TTN: variants seen among roughly 807,000 people sequenced by gnomAD.
The protein encoded by TTN is titin.
Under a neutral mutation model 3,223.0 loss-of-function variants are expected in TTN, and 1,525 were observed. The observed-to-expected ratio is 0.47, with a 90% CI of 0.45 to 0.49. TTN has a LOEUF of 0.49. Ranked by LOEUF, TTN falls within the 20% of genes least tolerant of loss-of-function variation. The pLI is 0.00. For missense variants in TTN, 40,786 were observed against 43,424.0 expected (o/e 0.94, Z 5.40); for synonymous variants, 14,094 against 15,161.0 (o/e 0.93, Z 5.17).
rs1438094160 is a variant in TTN, at chr2:178,799,863, C to T, written c.631G>A (p.Ala211Thr). Residue 211 changes from alanine to threonine, a missense_variant, in exon 5 of 363, where the codon GCT becomes ACT. Transcript: ENST00000589042. ...GTTTGTCTTGATTCTGAGATCTGAG[C>T]AGTCGAAACAATTGTCTTTGTCTTT... ...AKKTKTIVST[A>T]QISESRQTRI... The T allele has an allele frequency of 6.2e-7, 1 of 1,614,000 alleles. No homozygotes were observed. Among genetic ancestry groups the T allele is most frequent in the African/African-American group, 1.3e-5 (1 of 74,914 alleles).
chr2:178,603,072 C>T (rs1374827895), intron 282 of TTN, among the ~76,000 whole-genome samples: 1 of 151,968 alleles, frequency 6.6e-6, no homozygotes, highest in Non-Finnish European at 1.5e-5. Flanking sequence ...AATCCTTTAC[C>T]TTTCTGAAAG....
At chr2:178,807,118 T>G (rs2094349352) in intron 1 of TTN, 94 bp downstream of exon 1, 1 of 152,122 alleles carries the variant, frequency 6.6e-6, no homozygotes, top group Admixed American at 6.5e-5. Context: ...ATACAAACAC[T>G]TGTACATAGG....
rs561229465 is a variant in TTN, at chr2:178,749,224, C to T, written c.11311+3900G>A. Reference sequence around the variant, plus strand: ...TTCCAAAATTATTTCTTATTTCTTTCTTAATAGTGACATCACTGAAATCAT... The same window carrying T: ...TTCCAAAATTATTTCTTATTTCTTTTTTAATAGTGACATCACTGAAATCAT... On this transcript the variant is annotated intron_variant, in intron 47 of 362. Transcript: ENST00000589042. 10 of 1,611,440 alleles carry T rather than the reference C, an allele frequency of 6.2e-6. No homozygotes were observed. The South Asian group carries it at 1.1e-4, about 18-fold the overall frequency.
Position 178,621,330 on chromosome 2 carries a change from C to T in TTN, c.45388G>A (p.Glu15130Lys), listed in dbSNP as rs772087689. The change falls in exon 246 of 363, where the codon GAA becomes AAA. Residue 15130 changes from glutamate to lysine, a missense_variant. Glu to Lys is a moderately conservative substitution (Grantham distance 56). Transcript: ENST00000589042. Reference sequence around the variant, plus strand: ...TCAGCCTTTTCTCCTTCAAGTATTTCAAGGTTTTGAGGCTTTGAGATAAAT... The same window carrying T: ...TCAGCCTTTTCTCCTTCAAGTATTTTAAGGTTTTGAGGCTTTGAGATAAAT... The part of the protein sequence containing the change: ...AEFISKPQNL[E>K]ILEGEKAEFV... 13 of 1,611,682 alleles carry T rather than the reference C, an allele frequency of 8.1e-6. No homozygotes were observed. The highest frequency in any genetic ancestry group is 3.4e-6 in the Non-Finnish European group (4 of 1,178,984).
At chr2:178,617,301 CT>C in intron 254 of TTN, 23 bp downstream of exon 254, 1 of 1,545,590 alleles carries the variant, frequency 6.5e-7, no homozygotes, top group Non-Finnish European at 8.7e-7. Flanking sequence ...ATTGAATATT[CT>C]TTTTTATATG....
chr2:178,625,437 A>G, intron 240 of TTN, 41 bp from the exon 241 acceptor site: 1 of 1,497,324 alleles, frequency 6.7e-7, no homozygotes, highest in Non-Finnish European at 8.8e-7. Context: ...ACAGCAATCT[A>G]GTATATGGGT....
chr2:178,621,086 G>C lies in TTN; in HGVS notation c.45616+16C>G, dbSNP rs556605702. 6.2e-7 allele frequency: 1 copy of C among 1,609,742 alleles called. No individual in the cohort carries two copies. Among genetic ancestry groups the C allele is most frequent in the Non-Finnish European group, 8.5e-7 (1 of 1,178,620 alleles). On this transcript the variant is annotated intron_variant, in intron 246 of 362. Transcript: ENST00000589042. ...AACAAACAAACAAAAAACCCTAAAA[G>C]CAAGAACAAACTTACCAATGACTGT...
At chr2:178,593,150 G>A (rs757279013) in intron 299 of TTN, 23 bp downstream of exon 299, 27 of 1,610,780 alleles carry the variant, frequency 1.7e-5, no homozygotes, top group Non-Finnish European at 2.3e-5. Flanking sequence ...CATGAAAACT[G>A]AATAAATCCA....
At chr2:178,603,303 A>T (rs1216550388) in intron 282 of TTN, among the ~76,000 whole-genome samples, 1 of 151,980 alleles carries the variant, frequency 6.6e-6, no homozygotes, top group Admixed American at 6.6e-5. Flanking sequence ...TTCTATAGAG[A>T]ATCTAATCAG....
chr2:178,565,685 A>G lies in TTN; in HGVS notation c.80447T>C (p.Val26816Ala), dbSNP rs1177780119. 7 of 1,613,574 alleles carry G rather than the reference A, an allele frequency of 4.3e-6. No homozygotes were observed. Among genetic ancestry groups the G allele is most frequent in the Non-Finnish European group, 2.5e-6 (3 of 1,179,628 alleles). Residue 26816 changes from valine to alanine, a missense_variant, in exon 326 of 363, where the codon GTT (valine) becomes GCT (alanine). By Grantham distance (64) the Val-to-Ala change is moderately conservative. Transcript: ENST00000589042. ...AGTTCCTTTGGGCTGCATTTCAACA[A>G]CGTACCCCAGGACTCTGCTACCGCC... The part of the protein sequence containing the change: ...HDGGSRVLGY[V>A]VEMQPKGTEK...
In TTN at chr2:178,776,381, AG is replaced by A; in HGVS notation, c.5482del (p.Thr1829GlnfsTer3). 1 of 1,613,098 alleles carries A rather than the reference AG, an allele frequency of 6.2e-7. No individual in the cohort carries two copies. The highest frequency in any genetic ancestry group is 8.5e-7 in the Non-Finnish European group (1 of 1,179,968). On this transcript the variant is annotated frameshift_variant, in exon 28 of 363. Coordinates refer to ENST00000589042, the MANE Select transcript of TTN (RefSeq NM_001267550.2). LOFTEE classifies it high-confidence loss of function. ...TTTCTGATCTGTTGTTACACCTGTA[AG>A]TGCACCTTCATGAGCCATTCTCTCT... ...ELERMAHEGA[L>X]TGVTTDQKEK...
rs771773845 is a variant in TTN, at chr2:178,549,172, G to A, written c.92454C>T (p.Pro30818=). 2.0e-5 allele frequency: 32 copies of A among 1,613,602 alleles called. No individual in the cohort carries two copies. Among genetic ancestry groups the A allele is most frequent in the Non-Finnish European group, 2.6e-5 (31 of 1,179,802 alleles). The change falls in exon 339 of 363, where the codon CCC becomes CCT. Residue 30818 remains proline (P), a synonymous_variant. Transcript: ENST00000589042. ...CTGTGGGAGGACCTGGTGGGTTGAC[G>A]GGCTCTCTACATTTAATGAGTCTTG... ...GISRLIKCRE[P]VNPPGPPTVV... is the part of the protein sequence containing the mutation.
chr2:178,559,662 T>A lies in TTN; in HGVS notation c.86470A>T (p.Thr28824Ser). ...CTCAAAACATTCTGAATTGTTAATG[T>A]GTACTTTCCAGAGTCATTTCTGTTG... The part of the protein sequence containing the change: ...NANRNDSGKY[T>S]LTIQNVLSAA... The change falls in exon 326 of 363, where the codon ACA becomes TCA. Residue 28824 changes from threonine (T) to serine (S), a missense_variant. Thr to Ser is a moderately conservative substitution (Grantham distance 58). Coordinates refer to ENST00000589042, the MANE Select transcript of TTN (RefSeq NM_001267550.2). 6.2e-7 allele frequency: 1 copy of A among 1,613,022 alleles called. No homozygotes were observed. The highest frequency in any genetic ancestry group is 1.1e-5 in the South Asian group (1 of 90,874).
Position 178,715,237 on chromosome 2 carries a change from T to C in TTN, c.25949A>G (p.His8650Arg). The change falls in exon 90 of 363, where the codon CAT (histidine) becomes CGT (arginine). Residue 8650 changes from histidine to arginine, a missense_variant. Coordinates refer to ENST00000589042, the MANE Select transcript of TTN (RefSeq NM_001267550.2). ...KEPPIFRKKP[H>R]PIETLKGADV... ...AGCTCCTTTCAGTGTCTCTATAGGATGAGGCTTTTTGCGGAAAATGGGTGG... is the reference window on the plus strand; with the variant it reads ...AGCTCCTTTCAGTGTCTCTATAGGACGAGGCTTTTTGCGGAAAATGGGTGG... 1.2e-6 allele frequency: 2 copies of C among 1,606,454 alleles called. No individual in the cohort carries two copies. Among genetic ancestry groups the C allele is most frequent in the Non-Finnish European group, 1.7e-6 (2 of 1,176,762 alleles).
chr2:178,668,911 G>A (rs899137570), intron 159 of TTN, among the ~76,000 whole-genome samples: 9 of 151,554 alleles, frequency 5.9e-5, no homozygotes, highest in South Asian at 4.2e-4. Context: ...ATTCTTTTGA[G>A]GTTTGAGTGG....
rs747851682 is a variant in TTN, at chr2:178,560,864, C to T, written c.85268G>A (p.Arg28423Gln). The T allele has an allele frequency of 8.7e-6, 14 of 1,613,532 alleles. No homozygotes were observed. Among genetic ancestry groups the T allele is most frequent in the African/African-American group, 4.0e-5 (3 of 74,900 alleles). ...TLLTVKDCIR[R>Q]DTGQYVLTLK... ...TGTTAGTACATATTGCCCAGTGTCT[C>T]GTCTTATACAGTCTTTAACTGTTAA... Residue 28423 changes from arginine to glutamine, a missense_variant, in exon 326 of 363, where the codon CGA (arginine) becomes CAA (glutamine). Transcript: ENST00000589042.
At chr2:178,801,346 A>G (rs2094051132) in intron 3 of TTN, among the ~76,000 whole-genome samples, 1 of 152,186 alleles carries the variant, frequency 6.6e-6, no homozygotes, top group South Asian at 2.1e-4. Context: ...TTTGAGTAAT[A>G]AACAACAGCA....
Position 178,658,074 on chromosome 2 carries a change from T to C in TTN, c.37792+3A>G. On this transcript the variant is annotated splice_donor_region_variant and intron_variant, in intron 186 of 362. Transcript: ENST00000589042. Reference sequence around the variant, plus strand: ...GCAGAATGAAGTCAGGGCTAAAGTGTACCTGGGACAATCGGAGCTTCTGGT... The same window carrying C: ...GCAGAATGAAGTCAGGGCTAAAGTGCACCTGGGACAATCGGAGCTTCTGGT... The C allele has an allele frequency of 6.4e-7, 1 of 1,572,068 alleles. No individual in the cohort carries two copies.
In TTN at chr2:178,615,706, C is replaced by T. The variant is rs397517593; in HGVS notation, c.48395G>A (p.Arg16132His). The T allele has an allele frequency of 5.2e-5, 84 of 1,612,278 alleles. No homozygotes were observed. In the Middle Eastern group the frequency reaches 8.2e-4, roughly 16 times the overall value. Residue 16132 changes from arginine to histidine, a missense_variant, in exon 258 of 363, where the codon CGT becomes CAT. Arg to His is a conservative substitution (Grantham distance 29, BLOSUM62 0). Transcript: ENST00000589042. ...AGGTTCTCCAGGGCCACATTTGTTA[C>T]GAGCACAAACTTTAAATAAGTACTC... is the stretch of plus-strand genomic sequence containing the variant. Reference protein sequence around the residue: ...GKEYLFKVCARNKCGPGEPAY... With the variant: ...GKEYLFKVCAHNKCGPGEPAY...
Sources: gnomAD v4.1 joint callset for allele counts (sites outside exome capture counted in the v4.1 genomes callset) on GRCh38, gnomAD v4.1.1 for gene constraint, MANE v1.5 for transcripts, NCBI Gene and HGNC (gene_info 2026-07-23, HGNC 2026-07-21) for gene names.